ITFG1: variants seen among roughly 807,000 people sequenced by gnomAD.
ITFG1 encodes the protein integrin alpha FG-GAP repeat containing 1, also known as T-cell immunomodulatory protein.
Under a neutral mutation model 81.8 loss-of-function variants are expected in ITFG1, and 34 were observed. That is an observed-to-expected ratio of 0.42 (90% CI 0.32 to 0.55). The LOEUF (loss-of-function observed/expected upper bound fraction) is 0.55. ITFG1 is among the 20% of genes least tolerant of loss of function. The pLI is 0.17. For missense variants in ITFG1, 672 were observed against 755.4 expected (o/e 0.89, Z 1.29); for synonymous variants, 285 against 270.6 (o/e 1.05, Z -0.52).
At chr16:47,182,329 T>A (rs915311534) in intron 14 of ITFG1, among the ~76,000 whole-genome samples, 2 of 151,496 alleles carry the variant, frequency 1.3e-5, no homozygotes, top group African/African-American at 4.9e-5. Context: ...ATGAGATGTC[T>A]AGTAGACGAT....
chr16:47,430,741 G>A (rs978085449), intron 5 of ITFG1, among the ~76,000 whole-genome samples: 10 of 152,128 alleles, frequency 6.6e-5, no homozygotes, highest in African/African-American at 2.2e-4. Context: ...GAACTAAAAG[G>A]ATCTCTGGAA....
At chr16:47,298,025 CT>C (rs575162757) in intron 10 of ITFG1, among the ~76,000 whole-genome samples, 1 of 151,866 alleles carries the variant, frequency 6.6e-6, no homozygotes, top group East Asian at 1.9e-4. Flanking sequence ...TCATTTTTTT[CT>C]TTTTTTCTGA....
At chr16:47,391,529 T>C (rs79643347) in intron 6 of ITFG1, among the ~76,000 whole-genome samples, 2,542 of 152,320 alleles carry the variant, frequency 0.017, 41 homozygotes, top group Non-Finnish European at 0.026. Context: ...TCTTGGGATC[T>C]TTCAGATCAT....
chr16:47,181,976 G>T (rs1042708244), intron 14 of ITFG1, among the ~76,000 whole-genome samples: 1 of 152,138 alleles, frequency 6.6e-6, no homozygotes, highest in Non-Finnish European at 1.5e-5. Flanking sequence ...ACAGATGCTT[G>T]AAGGCAGCAG....
At chr16:47,260,445 G>T (rs576045723) in intron 11 of ITFG1, 100 bp downstream of exon 11, 2 of 1,277,284 alleles carry the variant, frequency 1.6e-6, no homozygotes, top group Admixed American at 2.1e-5. Flanking sequence ...TTTGCTTTTT[G>T]TTGTGTTGTC....
intron 12 of ITFG1, among the ~76,000 whole-genome samples, chr16:47,253,374 C>A (rs1204898595): frequency 1.3e-5 from 2 of 152,198 alleles, no homozygotes; most frequent in African/African-American, 4.8e-5. Flanking sequence ...CTAGCTTCCA[C>A]ATCCCTGGAT....
chr16:47,436,436 T>C (rs1428186006), intron 5 of ITFG1, among the ~76,000 whole-genome samples: 5 of 152,206 alleles, frequency 3.3e-5, no homozygotes, highest in Non-Finnish European at 7.4e-5. Context: ...TTTTATTAGT[T>C]TGATAATTAA....
At chr16:47,277,375 T>C (rs1291550004) in intron 10 of ITFG1, among the ~76,000 whole-genome samples, 5 of 152,288 alleles carry the variant, frequency 3.3e-5, no homozygotes, top group Middle Eastern at 3.4e-3. Flanking sequence ...CTGAAGTCCA[T>C]AGTCAGCCCT....
At chr16:47,211,111 T>C (rs2151524144) in intron 14 of ITFG1, among the ~76,000 whole-genome samples, 1 of 152,278 alleles carries the variant, frequency 6.6e-6, no homozygotes, top group East Asian at 1.9e-4. Flanking sequence ...CAAGGCAATT[T>C]ATGGAAAACT....
intron 13 of ITFG1, among the ~76,000 whole-genome samples, chr16:47,225,219 T>G (rs184936418): frequency 6.6e-6 from 1 of 151,422 alleles, no homozygotes; most frequent in African/African-American, 2.4e-5. Flanking sequence ...ATTGAAGATA[T>G]GTCAATTCAT....
intron 8 of ITFG1, among the ~76,000 whole-genome samples, chr16:47,347,862 C>T (rs1967882450): frequency 6.6e-6 from 1 of 152,204 alleles, no homozygotes; most frequent in Non-Finnish European, 1.5e-5. Context: ...GAGGAACGAT[C>T]AGACAGCAAC....
Position 47,154,734 on chromosome 16 carries a change from C to T in ITFG1, c.*985G>A, listed in dbSNP as rs893119393. 6.6e-6 allele frequency: 1 copy of T among 152,192 alleles called. No individual in the cohort carries two copies. Among genetic ancestry groups the T allele is most frequent in the Non-Finnish European group, 1.5e-5 (1 of 68,038 alleles). 9.4% of individuals were successfully genotyped at this position (152,192 alleles called of 1,614,324 possible). ...GATTTGCATTCCCAGATGCTGCCTA[C>T]AGCAGTTTCCTTTCAAGAAATCAAA... On this transcript the variant is annotated 3_prime_UTR_variant, in exon 18 of 18. Transcript: ENST00000320640.
At chr16:47,418,952 G>C (rs1192451771) in intron 6 of ITFG1, among the ~76,000 whole-genome samples, 1 of 152,026 alleles carries the variant, frequency 6.6e-6, no homozygotes, top group African/African-American at 2.4e-5. Context: ...TTTTGATAGA[G>C]ATTACACTGA....
At chr16:47,259,292 ATC>A (rs1567438189) in intron 11 of ITFG1, among the ~76,000 whole-genome samples, 1 of 152,196 alleles carries the variant, frequency 6.6e-6, no homozygotes, top group Admixed American at 6.5e-5. Context: ...TTTTGATGAT[ATC>A]AGTTTGTATA....
At chr16:47,220,259 C>T (rs985832024) in intron 13 of ITFG1, among the ~76,000 whole-genome samples, 1 of 152,196 alleles carries the variant, frequency 6.6e-6, no homozygotes, top group Admixed American at 6.5e-5. Flanking sequence ...TCCCAAAATA[C>T]CTTCAGAAGG....
intron 6 of ITFG1, among the ~76,000 whole-genome samples, chr16:47,411,523 C>T (rs1474869728): frequency 6.6e-6 from 1 of 152,110 alleles, no homozygotes; most frequent in Non-Finnish European, 1.5e-5. Context: ...ACGCCCTGCC[C>T]AGAGGTCCCC....
At position 47,260,638 on chromosome 16, in the gene ITFG1, C is replaced by G. The variant is rs1372423002; in HGVS notation, c.1128G>C (p.Glu376Asp). 9.3e-6 allele frequency: 15 copies of G among 1,614,064 alleles called. No homozygotes were observed. The highest frequency in any genetic ancestry group is 1.1e-5 in the Non-Finnish European group (13 of 1,180,034). ...AGTAGACTTTAAACATTCGACGCGC[C>G]TCTTCACAGCTTGCATTATTACAAG... is the stretch of plus-strand genomic sequence containing the variant. ...NVPCNNASCE[E>D]ARRMFKVYWE... Residue 376 changes from glutamate to aspartate, a missense_variant, in exon 11 of 18, where the codon GAG becomes GAC. Transcript: ENST00000320640.
rs193000561 is a variant in ITFG1, at chr16:47,183,557, C to A, written c.1454-20893G>T. Among the ~76,000 whole-genome samples the A allele has an allele frequency of 5.4e-3, 830 of 152,316 alleles. 5 individuals carry two copies. The highest frequency in any genetic ancestry group is 0.01 in the Middle Eastern group (3 of 294). The stretch of plus-strand genomic sequence containing the variant: ...CACCTCGCACGGCCGGGTACTCCAA[C>A]AGACCTGCAGCTGAGGGTCCTGTCT... On this transcript the variant is annotated intron_variant, in intron 14 of 17. Coordinates refer to ENST00000320640, the MANE Select transcript of ITFG1 (RefSeq NM_030790.5).
chr16:47,229,245 G>A lies in ITFG1; in HGVS notation c.1374+8720C>T, dbSNP rs1048740963. 3.3e-5 allele frequency among the ~76,000 whole-genome samples: 5 copies of A among 152,146 alleles called. No individual in the cohort carries two copies. In the Middle Eastern group the frequency reaches 0.014, roughly 414 times the overall value. Reference sequence around the variant, plus strand: ...AGGTGCATCCAACTCTATGTCAAACGGAAGCCAGGGAATGCTTTCTCGGAG... The same window carrying A: ...AGGTGCATCCAACTCTATGTCAAACAGAAGCCAGGGAATGCTTTCTCGGAG... On this transcript the variant is annotated intron_variant, in intron 13 of 17. Transcript: ENST00000320640.
Sources: gnomAD v4.1 joint callset for allele counts (sites outside exome capture counted in the v4.1 genomes callset) on GRCh38, gnomAD v4.1.1 for gene constraint, MANE v1.5 for transcripts, NCBI Gene and HGNC (gene_info 2026-07-23, HGNC 2026-07-21) for gene names.